Variants in TPM4 observed in about 807,000 individuals in gnomAD.
The protein encoded by TPM4 is tropomyosin 4.
TPM4 carries 17 observed loss-of-function variants against 35.8 expected under a neutral mutation model. That is an observed-to-expected ratio of 0.47 (90% CI 0.32 to 0.71). The LOEUF is 0.71. Among genes scored for constraint, TPM4 ranks in the 30% least tolerant of loss-of-function variants. The probability of loss-of-function intolerance (pLI) is 0.03; values close to 1 mark genes in which losing one functional copy is unlikely to be tolerated. For missense variants in TPM4, 240 were observed against 320.9 expected, an observed-to-expected ratio of 0.75 and a Z score of 1.93; for synonymous variants, 120 against 122.9, an observed-to-expected ratio of 0.98 and a Z score of 0.15.
In TPM4 at chr19:16,082,024, A is replaced by G. The variant is rs1297671172; in HGVS notation, c.244A>G (p.Lys82Glu). Reference protein sequence around the residue: ...TALQKLEEAEKAADESERGMK... With the variant: ...TALQKLEEAEEAADESERGMK... ...CCTGCAGAAGCTGGAGGAGGCAGAA[A>G]AAGCTGCAGATGAGAGTGAGAGGTA... is the stretch of plus-strand genomic sequence containing the variant. Residue 82 changes from lysine (K) to glutamate (E), a missense_variant, in exon 2 of 8, where the codon AAA becomes GAA. By Grantham distance (56) the Lys-to-Glu change is moderately conservative. Transcript: ENST00000643579. The G allele has an allele frequency of 6.2e-7, 1 of 1,610,014 alleles. No individual in the cohort carries two copies. Among genetic ancestry groups the G allele is most frequent in the East Asian group, 2.2e-5 (1 of 44,782 alleles).
At chr19:16,087,758 G>A (rs367850139) in intron 3 of TPM4, among the ~76,000 whole-genome samples, 4 of 152,178 alleles carry the variant, frequency 2.6e-5, no homozygotes, top group African/African-American at 9.6e-5. Context: ...GCACGCGCCT[G>A]TAGTCCCAGC....
intron 2 of TPM4, among the ~76,000 whole-genome samples, chr19:16,069,310 T>A (rs1422671475): frequency 2.3e-5 from 3 of 129,430 alleles, no homozygotes; most frequent in Non-Finnish European, 5.6e-5. Context: ...TATGGATGAG[T>A]GTGTGTTTCT....
chr19:16,083,957 C>T (rs1376981600), intron 2 of TPM4, among the ~76,000 whole-genome samples: 8 of 151,828 alleles, frequency 5.3e-5, no homozygotes, highest in Admixed American at 2.0e-4. Flanking sequence ...GACAGAGTCT[C>T]GCTCTGTCGC....
At chr19:16,071,482 G>A (rs1238730286) in intron 2 of TPM4, among the ~76,000 whole-genome samples, 1 of 152,184 alleles carries the variant, frequency 6.6e-6, no homozygotes, top group Non-Finnish European at 1.5e-5. Flanking sequence ...ACGGAGCCTG[G>A]TCTTTGTGAC....
chr19:16,080,021 C>G (rs941192739), intron 1 of TPM4: 2 of 183,834 alleles, frequency 1.1e-5, no homozygotes, highest in African/African-American at 4.7e-5. Flanking sequence ...ATTTTGATAG[C>G]CTTCCCCAGT....
rs142006012 is a variant in TPM4, at chr19:16,068,619, G to A, written c.114+881G>A. Among the ~76,000 whole-genome samples, 495 of 152,282 alleles carry A rather than the reference G, an allele frequency of 3.3e-3. 4 individuals are homozygous for A. Among genetic ancestry groups the A allele is most frequent in the African/African-American group, 0.011 (466 of 41,552 alleles). Reference sequence around the variant, plus strand: ...AGCGTGTGTCTGTGTGTATCTATGTGTTTAAGCATTTCTGCACATGTCTGT... The same window carrying A: ...AGCGTGTGTCTGTGTGTATCTATGTATTTAAGCATTTCTGCACATGTCTGT... On this transcript the variant is annotated intron_variant, in intron 2 of 2. Transcript: ENST00000589897.
At chr19:16,100,818 C>CA (rs1236754954) in intron 7 of TPM4, 12 of 156,568 alleles carry the variant, frequency 7.7e-5, no homozygotes, top group Non-Finnish European at 1.5e-4. Flanking sequence ...GACCCTGTCT[C>CA]AAAAAAAAAG....
At chr19:16,086,068 CAA>C (rs562934017) in intron 2 of TPM4, among the ~76,000 whole-genome samples, 3 of 79,128 alleles carry the variant, frequency 3.8e-5, no homozygotes, top group Non-Finnish European at 4.9e-5. Flanking sequence ...GACTCCATCT[CAA>C]AAAAAAAAAA....
At chr19:16,081,397 C>CTTT (rs374854830) in intron 1 of TPM4, 45,148 of 135,978 alleles carry the variant, frequency 0.33, 8,874 homozygotes, top group East Asian at 0.64. Context: ...GGGACACTCG[C>CTTT]TTTTTTTTTT....
chr19:16,075,909 C>G, upstream of TPM4: 2 of 1,265,998 alleles, frequency 1.6e-6, no homozygotes, highest in South Asian at 1.6e-5. Context: ...GCTATCGCAA[C>G]CCCTGTTCTA....
intron 2 of TPM4, among the ~76,000 whole-genome samples, chr19:16,085,288 C>G (rs544433240): frequency 6.6e-6 from 1 of 151,900 alleles, no homozygotes; most frequent in African/African-American, 2.4e-5. Flanking sequence ...ACGTCTTGCT[C>G]TGTCACCCAG....
Position 16,080,374 on chromosome 19 carries a change from C to T in TPM4, c.133-1539C>T, listed in dbSNP as rs1012251850. Reference sequence around the variant, plus strand: ...AACCGTGGCAGTAAGAGATGCCTTTCTCTGGCACATCCCACCTGCTGGGCA... The same window carrying T: ...AACCGTGGCAGTAAGAGATGCCTTTTTCTGGCACATCCCACCTGCTGGGCA... On this transcript the variant is annotated intron_variant, in intron 1 of 7. Transcript: ENST00000643579. The T allele has an allele frequency of 1.9e-5, 4 of 205,518 alleles. No homozygotes were observed. The East Asian group carries it at 2.9e-4, about 15-fold the overall frequency. The allele number at this position is 205,518 out of a possible 1,614,324, so 12.7% of individuals were successfully genotyped here.
intron 2 of TPM4, among the ~76,000 whole-genome samples, chr19:16,069,531 ATGTGTGT>A (rs374956343): frequency 0.069 from 72 of 1,040 alleles, 2 homozygotes; most frequent in East Asian, 0.15. Context: ...ATTGGTGTGT[ATGTGTGT>A]TGTGTGTGGA....
chr19:16,081,751 T>C, intron 1 of TPM4, 162 bp from the exon 2 acceptor site: 1 of 907,166 alleles, frequency 1.1e-6, no homozygotes, highest in Non-Finnish European at 1.5e-6. Context: ...TCCGGGAAGA[T>C]CATACTGAAA....
intron 2 of TPM4, among the ~76,000 whole-genome samples, chr19:16,069,713 TGGGGTTGC>T (rs2090337237): frequency 6.7e-6 from 1 of 150,196 alleles, no homozygotes; most frequent in Admixed American, 6.6e-5. Context: ...TGTGTTTTTA[TGGGGTTGC>T]GTGTATGAGT....
intron 1 of TPM4, 36 bp downstream of exon 1, chr19:16,076,733 C>CAGGA (rs899870866): frequency 2.2e-5 from 28 of 1,290,360 alleles, no homozygotes; most frequent in Middle Eastern, 3.0e-4. Context: ...CACCCGCAGC[C>CAGGA]TCCTCCCCCG....
In TPM4 at chr19:16,096,936, CTTTTTTTTTTTTTTTTTTTTTT is replaced by C. The variant is rs71178641; in HGVS notation, c.664+3196_664+3217del. On this transcript the variant is annotated intron_variant, in intron 7 of 7. Coordinates refer to ENST00000643579, the MANE Select transcript of TPM4 (RefSeq NM_003290.3). ...GGAATATGGAGAAAACAAGGTCACTCTTTTTTTTTTTTTTTTTTTTTTTTTTTTTTTTTTCAAGACAGGGTCT... is the reference window on the plus strand; with the variant it reads ...GGAATATGGAGAAAACAAGGTCACTCTTTTTTTTTTTTCAAGACAGGGTCT... Among the ~76,000 whole-genome samples the C allele has an allele frequency of 5.8e-5, 4 of 69,054 alleles. No individual in the cohort carries two copies. In the South Asian group the frequency reaches 2.5e-3, roughly 43 times the overall value. The allele number at this position is 69,054 out of a possible 152,430, so 45.3% of individuals were successfully genotyped here. A position where few individuals can be genotyped will look rare whatever the true frequency, so the allele number is the denominator to read the frequency against.
intron 7 of TPM4, among the ~76,000 whole-genome samples, chr19:16,098,209 A>G (rs2090722083): frequency 6.6e-6 from 1 of 152,176 alleles, no homozygotes; most frequent in Non-Finnish European, 1.5e-5. Flanking sequence ...TTGGGAGGCC[A>G]AGGCAGGCAG....
At chr19:16,076,864 C>T in intron 1 of TPM4, 167 bp downstream of exon 1, 1 of 1,234,942 alleles carries the variant, frequency 8.1e-7, no homozygotes, top group South Asian at 2.9e-5. Context: ...GCCAGGACCC[C>T]CTACTTCCTC....
Sources: allele counts gnomAD v4.1 joint callset (sites outside exome capture counted in the v4.1 genomes callset), GRCh38; gene constraint gnomAD v4.1.1; transcripts MANE v1.5; gene names NCBI Gene and HGNC (gene_info 2026-07-23, HGNC 2026-07-21).